The following DNAH1 variants were observed in gnomAD, a reference collection of about 807,000 sequenced individuals.
DNAH1 encodes dynein axonemal heavy chain 1.
A neutral mutation model predicts 484.3 loss-of-function variants in DNAH1; 327 were observed. The ratio of observed to expected loss-of-function variants is 0.68; its 90% confidence interval spans 0.62 to 0.74. The LOEUF (loss-of-function observed/expected upper bound fraction) is 0.74. Among genes scored for constraint, DNAH1 ranks in the 30% least tolerant of loss-of-function variants. The pLI is 0.00. For missense variants in DNAH1, 5,052 were observed against 5,546.8 expected, an observed-to-expected ratio of 0.91 and a Z score of 2.83; for synonymous variants, 2,192 against 2,191.9, an observed-to-expected ratio of 1.00 and a Z score of 0.00.
At chr3:52,392,710 C>G (rs1465863150) in intron 64 of DNAH1, 21 bp downstream of exon 64, 1 of 1,574,866 alleles carries the variant, frequency 6.3e-7, no homozygotes, top group Non-Finnish European at 8.6e-7. Flanking sequence ...GCCTGCCCAC[C>G]CACCTGCCCC....
At chr3:52,397,188 C>A in intron 73 of DNAH1, 144 bp downstream of exon 73, 1 of 860,296 alleles carries the variant, frequency 1.2e-6, no homozygotes, top group Non-Finnish European at 1.8e-6. Context: ...CATCCCATCC[C>A]ACAAAGACAG....
chr3:52,326,989 A>G (rs1701370706), intron 5 of DNAH1, 98 bp downstream of exon 5: 7 of 1,418,500 alleles, frequency 4.9e-6, no homozygotes, highest in Non-Finnish European at 5.7e-6. Flanking sequence ...TTCCCCCACC[A>G]GTCACCAGCA....
At chr3:52,359,863 G>A in intron 26 of DNAH1, 53 bp from the exon 27 acceptor site, 1 of 1,603,800 alleles carries the variant, frequency 6.2e-7, no homozygotes, top group Non-Finnish European at 8.5e-7. Context: ...GAAAGGGGAG[G>A]GTGAGCCTCC....
intron 1 of DNAH1, among the ~76,000 whole-genome samples, chr3:52,317,421 C>T (rs1287384497): frequency 6.6e-6 from 1 of 152,086 alleles, no homozygotes; most frequent in Admixed American, 6.5e-5. Flanking sequence ...TGAGCCAAGC[C>T]CCAGGAGAAC....
Position 52,358,579 on chromosome 3 carries a change from G to A in DNAH1, c.4108G>A (p.Glu1370Lys), listed in dbSNP as rs201610799. Residue 1370 changes from glutamate (E) to lysine (K), a missense_variant, in exon 25 of 78, where the codon GAG (glutamate) becomes AAG (lysine). Around this residue, in one of 4 missense-constraint regions of DNAH1, gnomAD observed 2,929 missense variants for 3,409.4 expected, o/e 0.86. Transcript: ENST00000420323. The surrounding 1 kb of genome is among the most constrained non-coding windows in gnomAD (Gnocchi z 4.2). ...GCAGCTGCTATTCCAGGAGGACCTG[G>A]AGATCACGCACATGTACTCAGCCGA... ...IARLLFQEDL[E>K]ITHMYSAEGE... 521 of 1,611,308 alleles carry A rather than the reference G, an allele frequency of 3.2e-4. No individual in the cohort carries two copies. The highest frequency in any genetic ancestry group is 4.1e-4 in the Non-Finnish European group (488 of 1,178,930).
Position 52,394,598 on chromosome 3 carries a change from C to G in DNAH1, c.10760C>G (p.Ser3587Cys). The change falls in exon 67 of 78, where the codon TCT becomes TGT. Residue 3587 changes from serine to cysteine, a missense_variant. By Grantham distance (112) the Ser-to-Cys change is moderately radical (BLOSUM62 -1). Around this residue, in one of 4 missense-constraint regions of DNAH1, gnomAD observed 853 missense variants for 899.0 expected, o/e 0.95. Coordinates refer to ENST00000420323, the MANE Select transcript of DNAH1 (RefSeq NM_015512.5). Reference sequence around the variant, plus strand: ...AACCTGCCAACCTTTTCCTCCTTCTCTTCCGACTTCGTGAAGCACCTCTCA... The same window carrying G: ...AACCTGCCAACCTTTTCCTCCTTCTGTTCCGACTTCGTGAAGCACCTCTCA... ...LSNLPTFSSF[S>C]SDFVKHLSEF... 6.2e-7 allele frequency: 1 copy of G among 1,607,434 alleles called. No homozygotes were observed. Among genetic ancestry groups the G allele is most frequent in the East Asian group, 2.2e-5 (1 of 44,758 alleles).
chr3:52,396,247 T>A, intron 70 of DNAH1, 121 bp from the exon 71 acceptor site: 1 of 1,151,274 alleles, frequency 8.7e-7, no homozygotes, highest in South Asian at 1.5e-5. Flanking sequence ...GCCCAATTCT[T>A]AACCAGTTGT....
rs75084115 is a variant in DNAH1 at position 52,349,860 on chromosome 3, C to T, written c.2527-129C>T. 355 of 1,354,278 alleles carry T rather than the reference C, an allele frequency of 2.6e-4. 5 individuals are homozygous for T. The East Asian group carries it at 3.8e-3, about 14-fold the overall frequency. 83.9% of individuals were successfully genotyped at this position (1,354,278 alleles called of 1,614,324 possible). On this transcript the variant is annotated intron_variant, in intron 14 of 77. Coordinates refer to ENST00000420323, the MANE Select transcript of DNAH1 (RefSeq NM_015512.5). ...CACCAGGAGCACCCCTCTTGGAAAG[C>T]GCCGCAGGATGTTGTGGTGGAGGGG...
At chr3:52,348,082 C>G in intron 12 of DNAH1, 108 bp downstream of exon 12, 1 of 1,186,688 alleles carries the variant, frequency 8.4e-7, no homozygotes, top group Non-Finnish European at 1.2e-6. Context: ...GGCCTCCTGT[C>G]GGGCAGGCAG....
At chr3:52,392,796 C>A (rs1383908406) in intron 64 of DNAH1, 34 bp from the exon 65 acceptor site, 2 of 1,068,798 alleles carry the variant, frequency 1.9e-6, no homozygotes, top group Non-Finnish European at 2.7e-6. Context: ...ACCTTCTGCT[C>A]TTTGACCCCT....
At position 52,389,470 on chromosome 3, in the gene DNAH1, C is replaced by T. The variant is rs185305129; in HGVS notation, c.9505C>T (p.Arg3169Cys). 28 of 1,610,678 alleles carry T rather than the reference C, an allele frequency of 1.7e-5. No individual in the cohort carries two copies. Among genetic ancestry groups the T allele is most frequent in the Admixed American group, 3.4e-5 (2 of 59,624 alleles). ...AYLGPFTGQY[R>C]TVLYDSWVKQ... ...TCTGGCATCTCCCCAGGGCCAGTAC[C>T]GCACGGTGCTCTACGACAGCTGGGT... is the stretch of plus-strand genomic sequence containing the variant. The change falls in exon 60 of 78, where the codon CGC (arginine) becomes TGC (cysteine). Residue 3169 changes from arginine (R) to cysteine (C), a missense_variant. Around this residue, in one of 4 missense-constraint regions of DNAH1, gnomAD observed 2,929 missense variants for 3,409.4 expected, o/e 0.86. Transcript: ENST00000420323.
Position 52,396,439 on chromosome 3 carries a change from C to A in DNAH1, c.11331C>A (p.Asn3777Lys), listed in dbSNP as rs369563162. Residue 3777 changes from asparagine (N) to lysine (K), a missense_variant, in exon 71 of 78, where the codon AAC becomes AAA. Physicochemically the swap from Asn to Lys is moderately conservative, Grantham distance 94 (BLOSUM62 0). Around this residue, in one of 4 missense-constraint regions of DNAH1, gnomAD observed 853 missense variants for 899.0 expected, o/e 0.95. Coordinates refer to ENST00000420323, the MANE Select transcript of DNAH1 (RefSeq NM_015512.5). ...AGTTCCCAGTGTCCATCCTGCAGAACGGCTCCAAGATGACCATTGAGCCGC... is the reference window on the plus strand; with the variant it reads ...AGTTCCCAGTGTCCATCCTGCAGAAAGGCTCCAAGATGACCATTGAGCCGC... ...SNKFPVSILQNGSKMTIEPPR... is the reference protein window; with the variant it reads ...SNKFPVSILQKGSKMTIEPPR... The A allele has an allele frequency of 1.3e-6, 2 of 1,593,518 alleles. No individual in the cohort carries two copies. Among genetic ancestry groups the A allele is most frequent in the African/African-American group, 1.3e-5 (1 of 74,366 alleles).
In DNAH1 at chr3:52,379,767, G is replaced by C. The variant is rs1033904502; in HGVS notation, c.7378-138G>C. On this transcript the variant is annotated intron_variant, in intron 47 of 77. Transcript: ENST00000420323. This position sits in a 1 kb window ranked among gnomAD's most constrained non-coding sequence, Gnocchi z 4.4. ...CACTTGCCAGCAGCCCCCACACACT[G>C]TCCCTGGGCCATGGTGGGAGAGCCA... 1.3e-6 allele frequency: 1 copy of C among 745,270 alleles called. No individual in the cohort carries two copies. The allele number at this position is 745,270 out of a possible 1,614,324, so 46.2% of individuals were successfully genotyped here.
At chr3:52,331,648 G>A (rs1279460773) in intron 7 of DNAH1, among the ~76,000 whole-genome samples, 2 of 123,032 alleles carry the variant, frequency 1.6e-5, no homozygotes, top group South Asian at 5.4e-4. Context: ...TTTTTGAGAT[G>A]GAGTCTGGCT....
chr3:52,353,023 C>T lies in DNAH1; in HGVS notation c.3028-80C>T. The T allele has an allele frequency of 7.1e-7, 1 of 1,402,324 alleles. No homozygotes were observed. Among genetic ancestry groups the T allele is most frequent in the Non-Finnish European group, 9.7e-7 (1 of 1,031,158 alleles). The allele number at this position is 1,402,324 out of a possible 1,614,324, so 86.9% of individuals were successfully genotyped here. On this transcript the variant is annotated intron_variant, in intron 18 of 77. Transcript: ENST00000420323. This position sits in a 1 kb window ranked among gnomAD's most constrained non-coding sequence, Gnocchi z 5.0. ...CAGGAGCAAGGGAGAGGGAGAGGAC[C>T]TGGCCCAAGAAGGGGCAACATGGAG...
At chr3:52,336,172 T>A (rs935120313) in intron 8 of DNAH1, among the ~76,000 whole-genome samples, 2 of 152,208 alleles carry the variant, frequency 1.3e-5, no homozygotes, top group Non-Finnish European at 2.9e-5. Flanking sequence ...GACTTAGTCA[T>A]AAATTCTTTC....
At chr3:52,387,227 C>T (rs1704149244) in intron 56 of DNAH1, among the ~76,000 whole-genome samples, 1 of 152,210 alleles carries the variant, frequency 6.6e-6, no homozygotes, top group Non-Finnish European at 1.5e-5. Context: ...ACCCCCAGGC[C>T]TTGGCCAAGA....
intron 65 of DNAH1, 76 bp downstream of exon 65, chr3:52,393,101 C>T: frequency 6.5e-7 from 1 of 1,540,196 alleles, no homozygotes; most frequent in South Asian, 1.2e-5. Context: ...GGGGCACACA[C>T]AAACTCACAA....
At chr3:52,351,412 C>G (rs73091150) in intron 16 of DNAH1, among the ~76,000 whole-genome samples, 2 of 152,370 alleles carry the variant, frequency 1.3e-5, no homozygotes, top group Non-Finnish European at 2.9e-5. Context: ...AGGGCCCTGC[C>G]CAGGAGAGGG....
Sources: allele counts gnomAD v4.1 joint callset (sites outside exome capture counted in the v4.1 genomes callset), GRCh38; gene constraint gnomAD v4.1.1; regional missense constraint gnomAD v4.1.1; non-coding constraint Gnocchi (gnomAD v3.1); transcripts MANE v1.5; gene names NCBI Gene and HGNC (gene_info 2026-07-23, HGNC 2026-07-21).